The following NME8 variants were observed in gnomAD, a reference collection of about 807,000 sequenced individuals.
NME8 encodes the protein protein NME8.
NME8 carries 72 observed loss-of-function variants against 82.3 expected under a neutral mutation model. The observed-to-expected ratio is 0.87, with a 90% CI of 0.72 to 1.06. The LOEUF is 1.06. Among genes scored for constraint, NME8 ranks in the 50% least tolerant of loss-of-function variants. NME8 has a pLI of 0.00. For synonymous variants in NME8, 267 were observed against 228.5 expected, an observed-to-expected ratio of 1.17 and a Z score of -1.52; for missense variants, 712 against 685.4, an observed-to-expected ratio of 1.04 and a Z score of -0.43.
Position 37,862,212 on chromosome 7 carries a change from A to C in NME8, c.387+68A>C, listed in dbSNP as rs559324591. 6.9e-6 allele frequency: 7 copies of C among 1,019,482 alleles called. No individual in the cohort carries two copies. In the Admixed American group the frequency reaches 8.5e-5, roughly 12 times the overall value. 63.2% of individuals were successfully genotyped at this position (1,019,482 alleles called of 1,614,324 possible). A position where few individuals can be genotyped will look rare whatever the true frequency, so the allele number is the denominator to read the frequency against. On this transcript the variant is annotated intron_variant, in intron 7 of 17. Transcript: ENST00000199447. ...TTTAGAGTGAAATAGAACAAAATGC[A>C]CTACTGGTGCTAGGTACCTCTAAAG...
intron 5 of NME8, among the ~76,000 whole-genome samples, chr7:37,855,848 TCA>T (rs1784504267): frequency 6.6e-6 from 1 of 152,146 alleles, no homozygotes; most frequent in Non-Finnish European, 1.5e-5. Context: ...AGCTGCATTT[TCA>T]GTGTGAGATA....
At position 37,867,852 on chromosome 7, in the gene NME8, G is replaced by T. The variant is rs553733754; in HGVS notation, c.772G>T (p.Val258Phe). ...PNERSEDQPE[V>F]EAQVTPGMMK... is the part of the protein sequence containing the mutation. ...CGAACGATCTGAGGATCAACCTGAG[G>T]TCGAAGCCCAGGTTACACCTGGAAT... Residue 258 changes from valine (V) to phenylalanine (F), a missense_variant, in exon 11 of 18, where the codon GTC (valine) becomes TTC (phenylalanine). Transcript: ENST00000199447. The T allele has an allele frequency of 2.7e-5, 44 of 1,613,866 alleles. 1 individual carries two copies. In the South Asian group the frequency reaches 4.1e-4, roughly 15 times the overall value.
At chr7:37,871,264 G>A (rs1784763406) in intron 11 of NME8, among the ~76,000 whole-genome samples, 1 of 152,138 alleles carries the variant, frequency 6.6e-6, no homozygotes, top group Non-Finnish European at 1.5e-5. Context: ...TGCCATCGAT[G>A]GTCTGCCTGC....
At chr7:37,877,588 G>A (rs1484531053) in intron 12 of NME8, among the ~76,000 whole-genome samples, 1 of 152,006 alleles carries the variant, frequency 6.6e-6, no homozygotes, top group Non-Finnish European at 1.5e-5. Context: ...TCTCTGACTT[G>A]TCCAACTACC....
chr7:37,864,307 C>T, intron 8 of NME8, 41 bp from the exon 9 acceptor site: 1 of 1,567,068 alleles, frequency 6.4e-7, no homozygotes, highest in Non-Finnish European at 8.7e-7. Flanking sequence ...GACTTCGTGC[C>T]AAGAAAATGA....
intron 2 of NME8, among the ~76,000 whole-genome samples, chr7:37,849,653 G>C (rs1267390458): frequency 1.3e-5 from 2 of 151,958 alleles, no homozygotes; most frequent in Non-Finnish European, 2.9e-5. Flanking sequence ...GGAGGATCAC[G>C]GGTCAGGAGG....
chr7:37,885,314 G>GATGTA, intron 14 of NME8, 62 bp downstream of exon 14: 1 of 1,003,788 alleles, frequency 1.0e-6, no homozygotes. Flanking sequence ...CACCTTTTTA[G>GATGTA]ATGTAGAGTA....
At chr7:37,887,956 G>A (rs777938910) in intron 14 of NME8, among the ~76,000 whole-genome samples, 1 of 152,088 alleles carries the variant, frequency 6.6e-6, no homozygotes, top group Non-Finnish European at 1.5e-5. Context: ...ATGATTTGTG[G>A]GGATTTTGGG....
Position 37,896,904 on chromosome 7 carries a change from A to C in NME8, c.1579A>C (p.Asn527His), listed in dbSNP as rs1390857036. ...TATGGTCATGATTCTGACCAAGTGG[A>C]ATGCTGTTGCAGAATGGAGACGATT... Reference protein sequence around the residue: ...PSMVMILTKWNAVAEWRRLMG... With the variant: ...PSMVMILTKWHAVAEWRRLMG... The change falls in exon 17 of 18, where the codon AAT becomes CAT. Residue 527 changes from asparagine (N) to histidine (H), a missense_variant. By Grantham distance (68) the Asn-to-His change is moderately conservative. Coordinates refer to ENST00000199447, the MANE Select transcript of NME8 (RefSeq NM_016616.5). The C allele has an allele frequency of 6.2e-7, 1 of 1,613,736 alleles. No homozygotes were observed. The highest frequency in any genetic ancestry group is 2.2e-5 in the East Asian group (1 of 44,878).
chr7:37,894,549 A>G lies in NME8; in HGVS notation c.1483A>G (p.Lys495Glu). 1 of 1,609,510 alleles carries G rather than the reference A, an allele frequency of 6.2e-7. No individual in the cohort carries two copies. The highest frequency in any genetic ancestry group is 8.5e-7 in the Non-Finnish European group (1 of 1,176,044). Residue 495 changes from lysine (K) to glutamate (E), a missense_variant, in exon 16 of 18, where the codon AAA becomes GAA. Lys to Glu is a moderately conservative substitution (Grantham distance 56). Transcript: ENST00000199447. ...KMFLTPEQIE[K>E]IYPKVTGKDF... ...GTTCCTAACTCCTGAGCAAATAGAG[A>G]AAATTTATCCAAAAGTAACAGGAAA...
At chr7:37,895,558 A>G (rs1365450114) in intron 16 of NME8, among the ~76,000 whole-genome samples, 1 of 152,202 alleles carries the variant, frequency 6.6e-6, no homozygotes, top group Non-Finnish European at 1.5e-5. Context: ...GTTCATAATT[A>G]TGTGAACATC....
chr7:37,891,510 T>C (rs1785128708), intron 15 of NME8, among the ~76,000 whole-genome samples: 2 of 152,046 alleles, frequency 1.3e-5, no homozygotes, highest in Non-Finnish European at 2.9e-5. Context: ...TTTTAAGTTA[T>C]ATTTACTTTA....
At chr7:37,868,022 T>C (rs1418523625) in intron 11 of NME8, 124 bp downstream of exon 11, 6 of 792,828 alleles carry the variant, frequency 7.6e-6, no homozygotes, top group African/African-American at 6.8e-5. Flanking sequence ...TTTCTTCCAG[T>C]CAACCTAACA....
At chr7:37,889,122 T>C (rs1288577328) in intron 15 of NME8, among the ~76,000 whole-genome samples, 1 of 152,020 alleles carries the variant, frequency 6.6e-6, no homozygotes, top group Non-Finnish European at 1.5e-5. Context: ...TTTATGGAAA[T>C]TGCTCTATTA....
At chr7:37,853,148 T>A (rs913917841) in intron 5 of NME8, among the ~76,000 whole-genome samples, 4 of 152,156 alleles carry the variant, frequency 2.6e-5, no homozygotes, top group African/African-American at 9.7e-5. Flanking sequence ...CTGCTAAGGA[T>A]TTTGGCTTAT....
chr7:37,863,429 G>C lies in NME8; in HGVS notation c.421G>C (p.Glu141Gln), dbSNP rs755506966. 5 of 1,599,802 alleles carry C rather than the reference G, an allele frequency of 3.1e-6. No individual in the cohort carries two copies. In the South Asian group the frequency reaches 4.4e-5, roughly 14 times the overall value. Residue 141 changes from glutamate to glutamine, a missense_variant, in exon 8 of 18, where the codon GAA becomes CAA. Physicochemically the swap from Glu to Gln is conservative, Grantham distance 29. Coordinates refer to ENST00000199447, the MANE Select transcript of NME8 (RefSeq NM_016616.5). ...PEIPLVDSDS[E>Q]VSEESPCESV... ...AATTCCATTAGTAGACTCAGATTCA[G>C]AAGTTAGTGAAGAATCACCATGTGA...
chr7:37,894,335 T>C, intron 15 of NME8, 131 bp from the exon 16 acceptor site: 1 of 888,270 alleles, frequency 1.1e-6, no homozygotes, highest in South Asian at 1.5e-5. Flanking sequence ...TAATTTCGTT[T>C]GGCAGAGTTT....
At chr7:37,877,326 T>C (rs915734075) in intron 12 of NME8, among the ~76,000 whole-genome samples, 1 of 152,206 alleles carries the variant, frequency 6.6e-6, no homozygotes, top group African/African-American at 2.4e-5. Flanking sequence ...TAACTGATAG[T>C]GTGACTTGAA....
chr7:37,879,740 G>T (rs1784912972), intron 12 of NME8, among the ~76,000 whole-genome samples: 1 of 152,188 alleles, frequency 6.6e-6, no homozygotes, highest in South Asian at 2.1e-4. Context: ...GGATCATGCT[G>T]TAAAAGTATG....
Sources: allele counts gnomAD v4.1 joint callset (sites outside exome capture counted in the v4.1 genomes callset), GRCh38; gene constraint gnomAD v4.1.1; transcripts MANE v1.5; gene names NCBI Gene and HGNC (gene_info 2026-07-23, HGNC 2026-07-21).